The following GBE1 variants were observed in gnomAD, a reference collection of about 807,000 sequenced individuals.
GBE1 encodes 1,4-alpha-glucan-branching enzyme.
GBE1 carries 70 observed loss-of-function variants against 88.8 expected under a neutral mutation model. The ratio of observed to expected loss-of-function variants is 0.79; its 90% CI spans 0.65 to 0.96. GBE1 has a LOEUF of 0.96. Ranked by LOEUF, GBE1 falls within the 40% of genes least tolerant of loss-of-function variation. The probability of loss-of-function intolerance (pLI) is 0.00; values close to 1 mark genes in which losing one functional copy is unlikely to be tolerated. For synonymous variants in GBE1, 284 were observed against 300.1 expected (o/e 0.95, Z 0.56); for missense variants, 872 against 871.0 (o/e 1.00, Z -0.01).
At chr3:81,760,752 AG>A (rs1706668036) in intron 1 of GBE1, among the ~76,000 whole-genome samples, 1 of 152,240 alleles carries the variant, frequency 6.6e-6, no homozygotes, top group Non-Finnish European at 1.5e-5. Context: ...AGATGGTTAA[AG>A]TCACACACGG....
chr3:81,670,463 C>A (rs1705174239), intron 3 of GBE1, among the ~76,000 whole-genome samples: 1 of 152,166 alleles, frequency 6.6e-6, no homozygotes, highest in Non-Finnish European at 1.5e-5. Flanking sequence ...TTTCACCCGA[C>A]CTCTTTACAG....
At chr3:81,625,625 A>G (rs1370462038) in intron 7 of GBE1, among the ~76,000 whole-genome samples, 1 of 152,190 alleles carries the variant, frequency 6.6e-6, no homozygotes, top group South Asian at 2.1e-4. Context: ...ATTTTGTTGT[A>G]GAGAAAGGGT....
chr3:81,558,632 G>A (rs1376534151), intron 12 of GBE1, among the ~76,000 whole-genome samples: 1 of 152,026 alleles, frequency 6.6e-6, no homozygotes, highest in Non-Finnish European at 1.5e-5. Flanking sequence ...GAGGAAACAA[G>A]TCTTGTGTGT....
intron 7 of GBE1, among the ~76,000 whole-genome samples, chr3:81,628,746 T>C (rs1282392384): frequency 1.6e-5 from 1 of 62,302 alleles, no homozygotes; most frequent in African/African-American, 5.0e-5. Flanking sequence ...CAATTGCATA[T>C]ATATATATAT....
At chr3:81,721,215 ATAAATAAAT>A (rs1706024979) in intron 1 of GBE1, among the ~76,000 whole-genome samples, 1 of 99,286 alleles carries the variant, frequency 1.0e-5, no homozygotes, top group Non-Finnish European at 1.8e-5. Flanking sequence ...AAATAAATAA[ATAAATAAAT>A]AAATAAATAA....
At chr3:81,550,747 C>G (rs1703260417) in intron 12 of GBE1, among the ~76,000 whole-genome samples, 1 of 152,256 alleles carries the variant, frequency 6.6e-6, no homozygotes, top group Admixed American at 6.5e-5. Flanking sequence ...TGACAGTCTA[C>G]AAATGCCATG....
chr3:81,544,021 T>C (rs1703173626), intron 12 of GBE1, among the ~76,000 whole-genome samples: 1 of 152,152 alleles, frequency 6.6e-6, no homozygotes, highest in African/African-American at 2.4e-5. Context: ...GTATGTATGT[T>C]CACATGCATT....
rs530096921 is a variant in GBE1, at chr3:81,493,699, A to G, written c.2053-3236T>C. On this transcript the variant is annotated intron_variant, in intron 15 of 15. Coordinates refer to ENST00000429644, the MANE Select transcript of GBE1 (RefSeq NM_000158.4). The stretch of plus-strand genomic sequence containing the variant: ...AGGGATGCGCCACCACACCCGGCTA[A>G]TTTTTTGTGTGTTTTTAGTAGACAC... 9.2e-5 allele frequency among the ~76,000 whole-genome samples: 14 copies of G among 151,786 alleles called. No homozygotes were observed. In the South Asian group the frequency reaches 1.9e-3, roughly 20 times the overall value.
intron 1 of GBE1, among the ~76,000 whole-genome samples, chr3:81,737,373 AT>A (rs1559703774): frequency 5.7e-3 from 182 of 31,970 alleles, no homozygotes; most frequent in African/African-American, 0.029. Context: ...ATATTTATAT[AT>A]ATTTTTATAT....
intron 7 of GBE1, among the ~76,000 whole-genome samples, chr3:81,617,915 T>C (rs1260046985): frequency 6.6e-6 from 1 of 152,042 alleles, no homozygotes; most frequent in Non-Finnish European, 1.5e-5. Flanking sequence ...AGGGTAATTA[T>C]AGTATTTCAG....
intron 14 of GBE1, among the ~76,000 whole-genome samples, chr3:81,509,278 A>T (rs929989702): frequency 4.7e-5 from 7 of 148,212 alleles, no homozygotes; most frequent in African/African-American, 1.7e-4. Context: ...GTCTTTTTTT[A>T]AATTTTAGGG....
intron 2 of GBE1, among the ~76,000 whole-genome samples, chr3:81,701,766 T>G (rs1705690936): frequency 6.6e-6 from 1 of 151,934 alleles, no homozygotes; most frequent in South Asian, 2.1e-4. Context: ...TTATTTGTAT[T>G]TATCTATTTA....
chr3:81,688,935 A>T (rs1457619232), intron 2 of GBE1, among the ~76,000 whole-genome samples: 1 of 152,054 alleles, frequency 6.6e-6, no homozygotes, highest in Admixed American at 6.6e-5. Context: ...ATCACCATTT[A>T]AAAAAAGGAA....
At chr3:81,691,718 G>T (rs762036014) in intron 2 of GBE1, among the ~76,000 whole-genome samples, 8 of 152,200 alleles carry the variant, frequency 5.3e-5, no homozygotes, top group African/African-American at 1.2e-4. Flanking sequence ...GTTGGAGGCC[G>T]CATTAAGCCA....
intron 2 of GBE1, among the ~76,000 whole-genome samples, chr3:81,698,052 A>T (rs960210391): frequency 8.2e-5 from 12 of 146,692 alleles, no homozygotes; most frequent in African/African-American, 2.7e-4. Context: ...TATTAGTTTT[A>T]TATATATATA....
chr3:81,685,196 A>G (rs1159899967), intron 2 of GBE1, among the ~76,000 whole-genome samples: 1 of 152,088 alleles, frequency 6.6e-6, no homozygotes, highest in African/African-American at 2.4e-5. Context: ...TTTCTATTTC[A>G]CAGAGAAAAC....
At chr3:81,623,959 C>T (rs1036106753) in intron 7 of GBE1, among the ~76,000 whole-genome samples, 1 of 152,174 alleles carries the variant, frequency 6.6e-6, no homozygotes, top group Non-Finnish European at 1.5e-5. Context: ...GCATGAGCCA[C>T]TGTGCCTGAC....
At chr3:81,748,039 C>T (rs1287261898) in intron 1 of GBE1, among the ~76,000 whole-genome samples, 1 of 152,046 alleles carries the variant, frequency 6.6e-6, no homozygotes, top group Non-Finnish European at 1.5e-5. Flanking sequence ...AGAATCATTT[C>T]AAATGGGGAG....
intron 9 of GBE1, among the ~76,000 whole-genome samples, chr3:81,586,674 T>C (rs940952234): frequency 6.6e-6 from 1 of 152,122 alleles, no homozygotes; most frequent in African/African-American, 2.4e-5. Flanking sequence ...TACAATAGCT[T>C]TTACTAGAGT....
Sources: gnomAD v4.1 joint callset for allele counts (sites outside exome capture counted in the v4.1 genomes callset) on GRCh38, gnomAD v4.1.1 for gene constraint, MANE v1.5 for transcripts, NCBI Gene and HGNC (gene_info 2026-07-23, HGNC 2026-07-21) for gene names.